LMBR1: variants seen among roughly 807,000 people sequenced by gnomAD.
LMBR1 encodes limb region 1 protein homolog.
A neutral mutation model predicts 73.9 loss-of-function variants in LMBR1; 52 were observed. That is an observed-to-expected ratio of 0.70 (90% CI 0.56 to 0.89). LMBR1 has a LOEUF of 0.89. Among genes scored for constraint, LMBR1 ranks in the 40% least tolerant of loss-of-function variants. LMBR1 has a pLI of 0.00. For synonymous variants in LMBR1, 215 were observed against 209.4 expected (o/e 1.03, Z -0.23); for missense variants, 539 against 579.8 (o/e 0.93, Z 0.72).
intron 1 of LMBR1, among the ~76,000 whole-genome samples, chr7:156,867,894 C>T (rs73167932): frequency 0.1 from 15,127 of 151,766 alleles, 850 homozygotes; most frequent in African/African-American, 0.13. Flanking sequence ...TAAAAACTAC[C>T]GAATTGGATA....
intron 16 of LMBR1, 67 bp from the exon 17 acceptor site, chr7:156,684,230 A>G: frequency 8.4e-7 from 1 of 1,185,192 alleles, no homozygotes; most frequent in Non-Finnish European, 1.3e-6. Context: ...GGGTTAGGGT[A>G]GGGAGAAGAG....
chr7:156,834,498 G>A (rs1837250788), intron 2 of LMBR1: 2 of 290,532 alleles, frequency 6.9e-6, no homozygotes, highest in Non-Finnish European at 1.4e-5. Flanking sequence ...GGATACTCAG[G>A]AGGCTGAGGT....
At chr7:156,729,422 T>C (rs1247677174) in intron 10 of LMBR1, among the ~76,000 whole-genome samples, 1 of 151,720 alleles carries the variant, frequency 6.6e-6, no homozygotes, top group Admixed American at 6.6e-5. Flanking sequence ...CATATTGATA[T>C]ATATATATAT....
chr7:156,892,556 G>A (rs1452573067), intron 1 of LMBR1: 3 of 174,716 alleles, frequency 1.7e-5, no homozygotes, highest in African/African-American at 7.1e-5. Flanking sequence ...GCCCAGAGAG[G>A]AAGCCCCTGG....
intron 2 of LMBR1, among the ~76,000 whole-genome samples, chr7:156,834,981 A>G (rs1300450124): frequency 6.6e-6 from 1 of 152,076 alleles, no homozygotes; most frequent in Admixed American, 6.6e-5. Context: ...CTCTACTAGA[A>G]ATACAAAAAT....
Position 156,670,046 on chromosome 7 carries a change from C to T in LMBR1, n.867-759G>A, listed in dbSNP as rs899305852. ...GTGGTCATGTAGTTTTTTTTATTTGCTGTTTATTTAATGTTATTCTAAGAA... is the reference window on the plus strand; with the variant it reads ...GTGGTCATGTAGTTTTTTTTATTTGTTGTTTATTTAATGTTATTCTAAGAA... On this transcript the variant is annotated intron_variant and non_coding_transcript_variant, in intron 4 of 4. Coordinates refer to the LMBR1 transcript ENST00000430825. This position sits in a 1 kb window ranked among gnomAD's most constrained non-coding sequence, Gnocchi z 4.3. Among the ~76,000 whole-genome samples the T allele has an allele frequency of 3.3e-5, 5 of 152,034 alleles. No homozygotes were observed. The highest frequency in any genetic ancestry group is 2.1e-4 in the South Asian group (1 of 4,818).
intron 15 of LMBR1, among the ~76,000 whole-genome samples, chr7:156,692,813 G>A (rs1291026555): frequency 6.6e-6 from 1 of 152,160 alleles, no homozygotes; most frequent in African/African-American, 2.4e-5. Flanking sequence ...AACTAATCAA[G>A]AAATGAAGCA....
At chr7:156,699,110 T>TA (rs1460387286) in intron 15 of LMBR1, among the ~76,000 whole-genome samples, 1 of 152,186 alleles carries the variant, frequency 6.6e-6, no homozygotes, top group Non-Finnish European at 1.5e-5. Context: ...CACAAATCTC[T>TA]AGGGCAGGGG....
intron 1 of LMBR1, among the ~76,000 whole-genome samples, chr7:156,875,262 A>G (rs993672135): frequency 1.3e-5 from 2 of 152,198 alleles, no homozygotes; most frequent in East Asian, 1.9e-4. Context: ...AGAAAAATGA[A>G]TAAGAGAAAG....
intron 8 of LMBR1, among the ~76,000 whole-genome samples, chr7:156,757,979 TACAA>T (rs1235583301): frequency 6.6e-6 from 1 of 151,866 alleles, no homozygotes; most frequent in Non-Finnish European, 1.5e-5. Flanking sequence ...CAAATAAATA[TACAA>T]ACAAATAATG....
intron 4 of LMBR1, among the ~76,000 whole-genome samples, chr7:156,797,455 T>A (rs192623830): frequency 3.5e-4 from 54 of 152,362 alleles, no homozygotes; most frequent in Middle Eastern, 6.8e-3. Context: ...TATAATTCAA[T>A]GTTTTTGAAA....
intron 1 of LMBR1, among the ~76,000 whole-genome samples, chr7:156,873,184 T>C (rs1395567146): frequency 6.6e-6 from 1 of 152,112 alleles, no homozygotes; most frequent in Non-Finnish European, 1.5e-5. Context: ...GATGTTCAGA[T>C]GTGTTCAGAG....
chr7:156,803,641 A>G (rs369400579), intron 4 of LMBR1, among the ~76,000 whole-genome samples: 5 of 152,100 alleles, frequency 3.3e-5, no homozygotes, highest in African/African-American at 7.2e-5. Context: ...TCCCATTACT[A>G]GGTATATACC....
downstream of LMBR1, among the ~76,000 whole-genome samples, chr7:156,672,970 C>T (rs1802910571): frequency 2.0e-5 from 3 of 152,222 alleles, no homozygotes; most frequent in Non-Finnish European, 2.9e-5. Flanking sequence ...CAGGGCTCAC[C>T]CCGCGGACTG....
chr7:156,708,731 C>A (rs895232055), intron 15 of LMBR1, among the ~76,000 whole-genome samples: 1 of 152,190 alleles, frequency 6.6e-6, no homozygotes, highest in Non-Finnish European at 1.5e-5. Context: ...ACAGAAGCCA[C>A]CACGGACAGT....
intron 16 of LMBR1, among the ~76,000 whole-genome samples, chr7:156,687,015 T>C (rs1183941800): frequency 1.3e-5 from 2 of 152,216 alleles, no homozygotes; most frequent in Non-Finnish European, 2.9e-5. Flanking sequence ...TCCCAGGGCA[T>C]ATTCAAAGTA....
chr7:156,692,934 G>T (rs1368385367), intron 15 of LMBR1, among the ~76,000 whole-genome samples: 1 of 152,076 alleles, frequency 6.6e-6, no homozygotes, highest in Non-Finnish European at 1.5e-5. Flanking sequence ...AAAGAAAATA[G>T]ACTGAAACTG....
At chr7:156,844,251 G>A (rs1839219065) in intron 1 of LMBR1, among the ~76,000 whole-genome samples, 1 of 152,054 alleles carries the variant, frequency 6.6e-6, no homozygotes, top group African/African-American at 2.4e-5. Context: ...TTGAACCCGG[G>A]AGAAGCAGGT....
At chr7:156,814,395 C>A (rs1169833526) in intron 4 of LMBR1, among the ~76,000 whole-genome samples, 2 of 152,336 alleles carry the variant, frequency 1.3e-5, no homozygotes, top group South Asian at 2.1e-4. Flanking sequence ...AGCCTGCAAT[C>A]AGTTTTGTAA....
Sources: allele counts gnomAD v4.1 joint callset (sites outside exome capture counted in the v4.1 genomes callset), GRCh38; gene constraint gnomAD v4.1.1; non-coding constraint Gnocchi (gnomAD v3.1); transcripts MANE v1.5; gene names NCBI Gene and HGNC (gene_info 2026-07-23, HGNC 2026-07-21).